The following KCNIP4 variants were observed in gnomAD, a reference collection of about 807,000 sequenced individuals.
KCNIP4 encodes the protein Kv channel-interacting protein 4.
A neutral mutation model predicts 34.0 loss-of-function variants in KCNIP4; 12 were observed. The ratio of observed to expected loss-of-function variants is 0.35; its 90% CI spans 0.23 to 0.57. KCNIP4 has a LOEUF of 0.57. Ranked by LOEUF, KCNIP4 falls within the 20% of genes least tolerant of loss-of-function variation. The pLI, the probability that KCNIP4 is intolerant of heterozygous loss-of-function variation, is 0.83. For missense variants in KCNIP4, 238 were observed against 311.7 expected, an observed-to-expected ratio of 0.76 and a Z score of 1.78; for synonymous variants, 124 against 102.2, an observed-to-expected ratio of 1.21 and a Z score of -1.29.
chr4:20,735,614 C>G (rs1749440627), intron 5 of KCNIP4, among the ~76,000 whole-genome samples: 1 of 148,116 alleles, frequency 6.8e-6, no homozygotes. Context: ...ACTGCAACTT[C>G]CACCTCCCAC....
At chr4:21,506,866 A>G (rs955910387) in intron 1 of KCNIP4, among the ~76,000 whole-genome samples, 5 of 151,826 alleles carry the variant, frequency 3.3e-5, no homozygotes, top group Admixed American at 3.3e-4. Flanking sequence ...ATCACGGTTC[A>G]CTGCAGCCTC....
At chr4:21,391,901 A>T (rs1045808808) in intron 1 of KCNIP4, among the ~76,000 whole-genome samples, 3 of 152,174 alleles carry the variant, frequency 2.0e-5, no homozygotes, top group African/African-American at 7.2e-5. Context: ...TAGTGGACAT[A>T]GTCCGGTCCC....
At chr4:21,173,591 A>C (rs1487814370) in intron 1 of KCNIP4, among the ~76,000 whole-genome samples, 2 of 152,188 alleles carry the variant, frequency 1.3e-5, no homozygotes, top group Non-Finnish European at 2.9e-5. Flanking sequence ...GATTTAGTGC[A>C]CATTCTTCAT....
chr4:21,873,515 A>T (rs576231996), intron 1 of KCNIP4, among the ~76,000 whole-genome samples: 10 of 152,228 alleles, frequency 6.6e-5, no homozygotes, highest in East Asian at 1.9e-4. Context: ...ATACACACAT[A>T]CCACAGTGCC....
chr4:21,124,189 G>T (rs1229482043), intron 1 of KCNIP4, among the ~76,000 whole-genome samples: 1 of 152,018 alleles, frequency 6.6e-6, no homozygotes, highest in African/African-American at 2.4e-5. Flanking sequence ...TCAACTTGTG[G>T]TATCAACGTC....
chr4:21,128,797 C>T lies in KCNIP4; in HGVS notation c.62-246088G>A, dbSNP rs141949520. The stretch of plus-strand genomic sequence containing the variant: ...CTATTTCTTACATATCTTATTGCAT[C>T]CCCAGAAACAGATAATATTCCATTT... On this transcript the variant is annotated intron_variant, in intron 1 of 8. Coordinates refer to ENST00000382152, the MANE Select transcript of KCNIP4 (RefSeq NM_025221.6). 4.7e-4 allele frequency among the ~76,000 whole-genome samples: 72 copies of T among 152,288 alleles called. 1 individual carries two copies. In the East Asian group the frequency reaches 0.011, roughly 22 times the overall value.
intron 1 of KCNIP4, among the ~76,000 whole-genome samples, chr4:21,924,816 T>A (rs1324190010): frequency 3.3e-5 from 5 of 152,006 alleles, no homozygotes; most frequent in Non-Finnish European, 7.4e-5. Context: ...CTCTCCTCTA[T>A]CCTCCTCTGT....
chr4:21,839,040 A>T (rs936560279), intron 1 of KCNIP4, among the ~76,000 whole-genome samples: 1 of 152,200 alleles, frequency 6.6e-6, no homozygotes, highest in Non-Finnish European at 1.5e-5. Context: ...ACATTAAAAT[A>T]ATCATTTAGA....
At chr4:21,087,399 A>G (rs2109034670) in intron 1 of KCNIP4, among the ~76,000 whole-genome samples, 1 of 152,094 alleles carries the variant, frequency 6.6e-6, no homozygotes, top group Non-Finnish European at 1.5e-5. Context: ...GATAGTCTCA[A>G]TCTTCCTGAC....
intron 1 of KCNIP4, among the ~76,000 whole-genome samples, chr4:21,637,463 C>G (rs377477599): frequency 6.6e-6 from 1 of 151,942 alleles, no homozygotes; most frequent in Non-Finnish European, 1.5e-5. Flanking sequence ...AAAAGAGGTC[C>G]TAATATTTTA....
intron 1 of KCNIP4, among the ~76,000 whole-genome samples, chr4:21,501,704 G>A (rs1423343416): frequency 3.3e-5 from 5 of 150,898 alleles, no homozygotes; most frequent in African/African-American, 1.2e-4. Context: ...GTGTGTGTGT[G>A]TGTGTGTGTG....
At chr4:20,980,890 G>A (rs1325611824) in intron 1 of KCNIP4, among the ~76,000 whole-genome samples, 1 of 151,806 alleles carries the variant, frequency 6.6e-6, no homozygotes, top group Non-Finnish European at 1.5e-5. Flanking sequence ...GAAGAGTTTA[G>A]CAATTTGCAT....
intron 1 of KCNIP4, among the ~76,000 whole-genome samples, chr4:20,899,079 C>A (rs1434022656): frequency 1.3e-5 from 2 of 152,146 alleles, no homozygotes; most frequent in African/African-American, 4.8e-5. Flanking sequence ...TCTAGCTTAT[C>A]AAATTTAATG....
chr4:21,291,391 T>C (rs1431737323), intron 1 of KCNIP4, among the ~76,000 whole-genome samples: 6 of 132,554 alleles, frequency 4.5e-5, no homozygotes, highest in Non-Finnish European at 6.7e-5. Flanking sequence ...TAGATGCACA[T>C]ACAAAATTAT....
At chr4:21,303,418 A>G (rs1711975871) in intron 1 of KCNIP4, among the ~76,000 whole-genome samples, 2 of 152,204 alleles carry the variant, frequency 1.3e-5, no homozygotes, top group Non-Finnish European at 2.9e-5. Flanking sequence ...CATAGCAAGA[A>G]ATGAGTGATC....
chr4:21,385,590 G>A (rs1396887798), intron 1 of KCNIP4, among the ~76,000 whole-genome samples: 1 of 152,136 alleles, frequency 6.6e-6, no homozygotes, highest in Non-Finnish European at 1.5e-5. Flanking sequence ...CATATAGAAT[G>A]ATTGCGAATA....
intron 2 of KCNIP4, among the ~76,000 whole-genome samples, chr4:20,870,125 GAC>G (rs1274138839): frequency 1.3e-5 from 2 of 152,078 alleles, no homozygotes; most frequent in South Asian, 4.1e-4. Flanking sequence ...ACTGTCCAAA[GAC>G]ACAGAGTGAT....
At chr4:20,741,373 C>G (rs1156465248) in intron 5 of KCNIP4, among the ~76,000 whole-genome samples, 2 of 152,224 alleles carry the variant, frequency 1.3e-5, no homozygotes, top group African/African-American at 4.8e-5. Flanking sequence ...CAAACTGTCT[C>G]TCAGACTACA....
chr4:21,389,751 A>G (rs1375322859), intron 1 of KCNIP4, among the ~76,000 whole-genome samples: 1 of 152,190 alleles, frequency 6.6e-6, no homozygotes, highest in East Asian at 1.9e-4. Flanking sequence ...GAATAGTGCC[A>G]CAATAAACAT....
Sources: gnomAD v4.1 joint callset for allele counts (sites outside exome capture counted in the v4.1 genomes callset) on GRCh38, gnomAD v4.1.1 for gene constraint, MANE v1.5 for transcripts, NCBI Gene and HGNC (gene_info 2026-07-23, HGNC 2026-07-21) for gene names.